Variants in OSBPL1A observed in about 807,000 individuals in gnomAD.
OSBPL1A encodes oxysterol-binding protein-related protein 1.
In OSBPL1A, 80 loss-of-function variants were observed where a neutral mutation model predicts 137.1. That is an observed-to-expected ratio of 0.58 (90% CI 0.49 to 0.70). The LOEUF (loss-of-function observed/expected upper bound fraction) is 0.70. Ranked by LOEUF, OSBPL1A falls within the 30% of genes least tolerant of loss-of-function variation. The pLI, the probability that OSBPL1A is intolerant of heterozygous loss-of-function variation, is 0.00. For missense variants in OSBPL1A, 970 were observed against 1,129.4 expected (o/e 0.86, Z 2.02); for synonymous variants, 365 against 389.7 (o/e 0.94, Z 0.75).
intron 17 of OSBPL1A, among the ~76,000 whole-genome samples, chr18:24,201,622 G>A (rs2087222845): frequency 6.6e-6 from 1 of 152,068 alleles, no homozygotes; most frequent in Non-Finnish European, 1.5e-5. Flanking sequence ...AATTAGCTGA[G>A]CGTGGTGGCA....
chr18:24,294,652 GT>G (rs1223026101), intron 14 of OSBPL1A, among the ~76,000 whole-genome samples: 1 of 152,102 alleles, frequency 6.6e-6, no homozygotes, highest in Non-Finnish European at 1.5e-5. Flanking sequence ...AGAACAAATG[GT>G]TTTTGGTTTT....
At chr18:24,351,145 C>T (rs1184062088) in intron 4 of OSBPL1A, among the ~76,000 whole-genome samples, 1 of 151,664 alleles carries the variant, frequency 6.6e-6, no homozygotes, top group Non-Finnish European at 1.5e-5. Context: ...GTCAGGAGTT[C>T]GAGACCAGCC....
chr18:24,363,134 T>C (rs1421718960), intron 4 of OSBPL1A, among the ~76,000 whole-genome samples: 1 of 152,168 alleles, frequency 6.6e-6, no homozygotes, highest in African/African-American at 2.4e-5. Context: ...TCTATTAGAG[T>C]GTCTAGCTTT....
At chr18:24,233,173 T>G (rs2088334933) in intron 16 of OSBPL1A, among the ~76,000 whole-genome samples, 1 of 152,184 alleles carries the variant, frequency 6.6e-6, no homozygotes, top group Non-Finnish European at 1.5e-5. Flanking sequence ...ACCATGAAAT[T>G]AGTTATTTAA....
chr18:24,183,447 T>C (rs1422037947), intron 18 of OSBPL1A, among the ~76,000 whole-genome samples: 2 of 151,704 alleles, frequency 1.3e-5, no homozygotes, highest in East Asian at 1.9e-4. Flanking sequence ...TTTTTTTTTT[T>C]TTGAGGCGGA....
chr18:24,342,882 TACC>T (rs1263248787), intron 4 of OSBPL1A, among the ~76,000 whole-genome samples: 3 of 152,100 alleles, frequency 2.0e-5, no homozygotes, highest in Non-Finnish European at 4.4e-5. Flanking sequence ...TAAAATGTAC[TACC>T]ACATTAAAAA....
At chr18:24,177,421 G>T (rs2086478068) in intron 21 of OSBPL1A, among the ~76,000 whole-genome samples, 2 of 152,160 alleles carry the variant, frequency 1.3e-5, no homozygotes, top group African/African-American at 4.8e-5. Context: ...CCATATTGGT[G>T]TTCAGGTTTT....
chr18:24,193,860 T>G (rs1327301494), intron 18 of OSBPL1A, among the ~76,000 whole-genome samples: 1 of 152,266 alleles, frequency 6.6e-6, no homozygotes, highest in African/African-American at 2.4e-5. Flanking sequence ...GTATTTTATT[T>G]ATGATTCAGC....
Position 24,178,204 on chromosome 18 carries a change from TTAA to T in OSBPL1A, c.1911-12_1911-10del, listed in dbSNP as rs1567922717. The T allele has an allele frequency of 2.0e-6, 3 of 1,470,318 alleles. No homozygotes were observed. The highest frequency in any genetic ancestry group is 3.0e-5 in the African/African-American group (2 of 65,788). 91.1% of individuals were successfully genotyped at this position (1,470,318 alleles called of 1,614,324 possible). On this transcript the variant is annotated splice_polypyrimidine_tract_variant and intron_variant, in intron 20 of 27. Transcript: ENST00000319481. ...TAAATCCAAGGTCATCTCTTAAGAT[TTAA>T]AAAAAAAAAAAAAGAAAAAAAAAAG...
At chr18:24,346,290 AT>A (rs1171029475) in intron 4 of OSBPL1A, among the ~76,000 whole-genome samples, 6 of 152,132 alleles carry the variant, frequency 3.9e-5, no homozygotes, top group South Asian at 4.1e-4. Context: ...TGCCCAGATT[AT>A]TTTTTTTAAA....
chr18:24,286,075 T>C (rs1182242268), intron 14 of OSBPL1A, among the ~76,000 whole-genome samples: 1 of 152,170 alleles, frequency 6.6e-6, no homozygotes. Flanking sequence ...GAGAATCACT[T>C]GAACCCAGGA....
intron 7 of OSBPL1A, 78 bp from the exon 8 acceptor site, chr18:24,318,887 A>G: frequency 3.4e-6 from 4 of 1,165,540 alleles, no homozygotes; most frequent in Non-Finnish European, 5.0e-6. Context: ...TGCAGCATCT[A>G]ATAGTCCTTC....
At chr18:24,334,403 G>T in intron 5 of OSBPL1A, 73 bp from the exon 6 acceptor site, 2 of 1,235,876 alleles carry the variant, frequency 1.6e-6, no homozygotes, top group South Asian at 1.6e-5. Context: ...AGAATAAAGT[G>T]ATCATGATGA....
In OSBPL1A at chr18:24,304,612, C is replaced by T. The variant is rs181763162; in HGVS notation, c.1093-894G>A. Reference sequence around the variant, plus strand: ...CTTTTAGGTAGAGTAATATATTTAGCCTTATGAAACTTCCCTACTTTGTAC... The same window carrying T: ...CTTTTAGGTAGAGTAATATATTTAGTCTTATGAAACTTCCCTACTTTGTAC... On this transcript the variant is annotated intron_variant, in intron 13 of 27. Transcript: ENST00000319481. Among the ~76,000 whole-genome samples the T allele has an allele frequency of 3.9e-5, 6 of 152,172 alleles. No individual in the cohort carries two copies. The East Asian group carries it at 9.6e-4, about 24-fold the overall frequency.
At chr18:24,174,687 T>A (rs946367930) in intron 21 of OSBPL1A, among the ~76,000 whole-genome samples, 1 of 152,222 alleles carries the variant, frequency 6.6e-6, no homozygotes, top group Non-Finnish European at 1.5e-5. Flanking sequence ...TAAATATAAA[T>A]TGTAATAGGT....
rs112971545 is a variant in OSBPL1A, at chr18:24,285,004, G to A, written c.1175-4056C>T. ...GATCACTTGAGTTCAAGGTTGCAAT[G>A]AGCTATGACCACACCACTGCACTTC... On this transcript the variant is annotated intron_variant, in intron 14 of 27. Coordinates refer to ENST00000319481, the MANE Select transcript of OSBPL1A (RefSeq NM_080597.4). Among the ~76,000 whole-genome samples the A allele has an allele frequency of 6.0e-3, 915 of 152,248 alleles. 11 individuals carry two copies. Among genetic ancestry groups the A allele is most frequent in the African/African-American group, 0.021 (876 of 41,532 alleles).
At chr18:24,352,878 A>T (rs1213907797) in intron 4 of OSBPL1A, among the ~76,000 whole-genome samples, 1 of 152,186 alleles carries the variant, frequency 6.6e-6, no homozygotes, top group Non-Finnish European at 1.5e-5. Context: ...GAAAGCTGAA[A>T]CTGGATCCCT....
At chr18:24,180,875 T>TCA (rs1345257857) in intron 19 of OSBPL1A, among the ~76,000 whole-genome samples, 1 of 151,994 alleles carries the variant, frequency 6.6e-6, no homozygotes, top group Non-Finnish European at 1.5e-5. Flanking sequence ...AGACTCTGTC[T>TCA]CACACACACA....
intron 5 of OSBPL1A, among the ~76,000 whole-genome samples, chr18:24,340,993 G>C (rs1481743240): frequency 1.3e-5 from 2 of 151,812 alleles, no homozygotes; most frequent in African/African-American, 4.8e-5. Context: ...TTTTTCTGAG[G>C]CCCAAAATAC....
Sources: gnomAD v4.1 joint callset for allele counts (sites outside exome capture counted in the v4.1 genomes callset) on GRCh38, gnomAD v4.1.1 for gene constraint, MANE v1.5 for transcripts, NCBI Gene and HGNC (gene_info 2026-07-23, HGNC 2026-07-21) for gene names.